LCOR: variants seen among roughly 807,000 people sequenced by gnomAD.
The protein encoded by LCOR is ligand dependent nuclear receptor corepressor.
LCOR carries 14 observed loss-of-function variants against 64.4 expected under a neutral mutation model. The ratio of observed to expected loss-of-function variants is 0.22; its 90% CI spans 0.14 to 0.34. The LOEUF is 0.34. Ranked by LOEUF, LCOR falls within the 10% of genes least tolerant of loss-of-function variation. LCOR has a pLI of 1.00. For missense variants in LCOR, 1,686 were observed against 1,765.3 expected (o/e 0.96, Z 0.80); for synonymous variants, 643 against 642.5 (o/e 1.00, Z -0.01).
chr10:96,955,957 G>C (rs1847765377), intron 7 of LCOR: 1 of 1,584,950 alleles, frequency 6.3e-7, no homozygotes, highest in African/African-American at 1.4e-5. Context: ...GTACAAACTG[G>C]GTGAGCACTA....
chr10:96,891,482 CTTTTTTTTTTT>C (rs745839487), intron 2 of LCOR, among the ~76,000 whole-genome samples: 3 of 28,490 alleles, frequency 1.1e-4, no homozygotes, highest in Non-Finnish European at 2.0e-4. Flanking sequence ...TTTTCTGACT[CTTTTTTTTTTT>C]TTTTTTTTTG....
intron 7 of LCOR, among the ~76,000 whole-genome samples, chr10:96,975,198 T>A (rs541748727): frequency 1.4e-4 from 22 of 152,108 alleles, no homozygotes; most frequent in Admixed American, 3.3e-4. Context: ...TAAATACTTA[T>A]GTGCTATTAA....
chr10:96,955,536 G>A, intron 7 of LCOR: 1 of 1,614,164 alleles, frequency 6.2e-7, no homozygotes, highest in Non-Finnish European at 8.5e-7. Context: ...AAGCATGTTA[G>A]ATGCTGGACC....
In LCOR at chr10:96,866,997, A is replaced by AC. The variant is rs1554832956; in HGVS notation, c.-330+33518_-330+33519insC. On this transcript the variant is annotated intron_variant, in intron 2 of 7. Transcript: ENST00000421806. ...TTTGTCAGTCTTTTCTATTACTATT[A>AC]TTTTTTTTGAGATGGAGTTTCACTC... Among the ~76,000 whole-genome samples the AC allele has an allele frequency of 3.3e-5, 5 of 151,226 alleles. No individual in the cohort carries two copies. The South Asian group carries it at 8.4e-4, about 25-fold the overall frequency.
chr10:96,920,408 A>T (rs1313176916), intron 4 of LCOR, among the ~76,000 whole-genome samples: 1 of 144,692 alleles, frequency 6.9e-6, no homozygotes, highest in Non-Finnish European at 1.5e-5. Context: ...ATATGTGTAT[A>T]TATGTATATA....
chr10:96,913,826 G>A (rs977769371), intron 4 of LCOR, among the ~76,000 whole-genome samples: 10 of 151,976 alleles, frequency 6.6e-5, no homozygotes, highest in South Asian at 2.1e-4. Flanking sequence ...TGAGAGGCAC[G>A]AGAATCGTTT....
intron 2 of LCOR, among the ~76,000 whole-genome samples, chr10:96,843,044 C>A (rs1384840196): frequency 6.6e-6 from 1 of 152,150 alleles, no homozygotes. Context: ...TTGTTTTTCA[C>A]GTTTTTTTAT....
intron 2 of LCOR, among the ~76,000 whole-genome samples, chr10:96,893,533 T>C (rs943688769): frequency 6.6e-6 from 1 of 152,042 alleles, no homozygotes; most frequent in African/African-American, 2.4e-5. Flanking sequence ...GGGAGGCCGA[T>C]GCAGGCAGAT....
intron 2 of LCOR, among the ~76,000 whole-genome samples, chr10:96,874,836 C>T (rs1250802764): frequency 6.6e-6 from 1 of 151,988 alleles, no homozygotes; most frequent in East Asian, 1.9e-4. Context: ...TGGGGTTTCA[C>T]TGTGTTGGCC....
intron 2 of LCOR, among the ~76,000 whole-genome samples, chr10:96,842,423 A>G (rs547335834): frequency 1.4e-4 from 22 of 152,196 alleles, no homozygotes; most frequent in African/African-American, 5.3e-4. Flanking sequence ...TAAATAGGAA[A>G]GAGAAACTAA....
At chr10:96,949,839 A>C (rs965650476) in intron 6 of LCOR, among the ~76,000 whole-genome samples, 5 of 152,206 alleles carry the variant, frequency 3.3e-5, no homozygotes, top group Admixed American at 6.5e-5. Flanking sequence ...ATAAATACAG[A>C]AACACATATA....
intron 4 of LCOR, among the ~76,000 whole-genome samples, chr10:96,917,705 A>G (rs1218714663): frequency 6.6e-6 from 1 of 152,220 alleles, no homozygotes; most frequent in African/African-American, 2.4e-5. Flanking sequence ...TCACAAAATG[A>G]AACTGTTCTA....
chr10:96,907,613 T>A, intron 3 of LCOR, 55 bp from the exon 4 acceptor site: 5 of 681,308 alleles, frequency 7.3e-6, no homozygotes, highest in Non-Finnish European at 9.1e-6. Flanking sequence ...TTAATTCTAA[T>A]TTATTTTCCT....
chr10:96,981,454 GAAGGCA>G lies in LCOR; in HGVS notation c.996_1001del (p.Glu332_Asn334delinsAsp). ...AAAAATGGCAGCTGAGAATAGTGAG[GAAGGCA>G]ATACCTGTATTATTCCTCAAAGAAA... is the stretch of plus-strand genomic sequence containing the variant. On this transcript the variant is annotated inframe_deletion, in exon 8 of 8. Transcript: ENST00000421806. 1 of 1,614,148 alleles carries G rather than the reference GAAGGCA, an allele frequency of 6.2e-7. No individual in the cohort carries two copies. Among genetic ancestry groups the G allele is most frequent in the Non-Finnish European group, 8.5e-7 (1 of 1,179,996 alleles).
intron 2 of LCOR, among the ~76,000 whole-genome samples, chr10:96,882,307 A>G (rs1413891799): frequency 6.6e-6 from 1 of 152,234 alleles, no homozygotes; most frequent in Non-Finnish European, 1.5e-5. Context: ...TATGTCACGA[A>G]AATCCAGCCT....
intron 4 of LCOR, among the ~76,000 whole-genome samples, chr10:96,912,207 A>G (rs1377176057): frequency 1.3e-5 from 2 of 152,138 alleles, no homozygotes; most frequent in Admixed American, 6.5e-5. Flanking sequence ...GTGTGATAAC[A>G]GGTGTGAGCC....
chr10:96,975,682 A>C (rs970579306), intron 7 of LCOR, among the ~76,000 whole-genome samples: 1 of 151,836 alleles, frequency 6.6e-6, no homozygotes, highest in Admixed American at 6.6e-5. Context: ...AGACAAAAAC[A>C]AGGCAAAGTC....
At chr10:96,889,129 A>G (rs960664129) in intron 2 of LCOR, among the ~76,000 whole-genome samples, 3 of 152,268 alleles carry the variant, frequency 2.0e-5, no homozygotes, top group Non-Finnish European at 2.9e-5. Flanking sequence ...CCCAAAAGAT[A>G]GACCATACCT....
intron 6 of LCOR, among the ~76,000 whole-genome samples, chr10:96,950,792 T>C (rs1847664651): frequency 6.6e-6 from 1 of 152,150 alleles, no homozygotes; most frequent in Non-Finnish European, 1.5e-5. Context: ...GTTGCCTGTT[T>C]GATTAGACAA....
Sources: gnomAD v4.1 joint callset for allele counts (sites outside exome capture counted in the v4.1 genomes callset) on GRCh38, gnomAD v4.1.1 for gene constraint, MANE v1.5 for transcripts, NCBI Gene and HGNC (gene_info 2026-07-23, HGNC 2026-07-21) for gene names.